The following ANKIB1 variants were observed in gnomAD, a reference collection of about 807,000 sequenced individuals.
ANKIB1 encodes the protein ankyrin repeat and IBR domain containing 1.
A neutral mutation model predicts 122.1 loss-of-function variants in ANKIB1; 43 were observed. That is an observed-to-expected ratio of 0.35 (90% CI 0.28 to 0.45). ANKIB1 has a LOEUF of 0.45. Among genes scored for constraint, ANKIB1 ranks in the 20% least tolerant of loss-of-function variants. The pLI is 1.00. For synonymous variants in ANKIB1, 390 were observed against 442.0 expected (o/e 0.88, Z 1.48); for missense variants, 992 against 1,329.5 (o/e 0.75, Z 3.95).
At chr7:92,267,219 A>G (rs1801689419) in intron 1 of ANKIB1, among the ~76,000 whole-genome samples, 1 of 152,218 alleles carries the variant, frequency 6.6e-6, no homozygotes, top group Non-Finnish European at 1.5e-5. Flanking sequence ...TATATTTTTT[A>G]GAATGTAAGA....
chr7:92,251,322 A>G (rs529273595), intron 1 of ANKIB1, among the ~76,000 whole-genome samples: 16 of 152,212 alleles, frequency 1.1e-4, no homozygotes, highest in Non-Finnish European at 2.1e-4. Context: ...CCAAATAGAC[A>G]TGAAAACATT....
intron 1 of ANKIB1, among the ~76,000 whole-genome samples, chr7:92,254,088 C>T (rs1440038925): frequency 6.6e-6 from 1 of 152,128 alleles, no homozygotes. Context: ...CCAAGATACC[C>T]CAGCTAACAG....
chr7:92,354,717 C>T (rs944959315), intron 9 of ANKIB1, among the ~76,000 whole-genome samples: 9 of 152,000 alleles, frequency 5.9e-5, no homozygotes, highest in Non-Finnish European at 1.0e-4. Flanking sequence ...TACCCTTATT[C>T]ATATAGTATA....
rs1804961462 is a variant in ANKIB1 at position 92,399,025 on chromosome 7, T to C, written c.*76T>C. On this transcript the variant is annotated 3_prime_UTR_variant, in exon 20 of 20. Coordinates refer to ENST00000265742, the MANE Select transcript of ANKIB1 (RefSeq NM_019004.2). ...GGTGGAGTATGCTTGATAGAGACTT[T>C]GATTCACTTAATTCCAACTCAGTGA... 1.4e-6 allele frequency: 2 copies of C among 1,428,630 alleles called. No individual in the cohort carries two copies. Among genetic ancestry groups the C allele is most frequent in the East Asian group, 2.5e-5 (1 of 40,502 alleles). 88.5% of individuals were successfully genotyped at this position (1,428,630 alleles called of 1,614,324 possible). A position where few individuals can be genotyped will look rare whatever the true frequency, so the allele number is the denominator to read the frequency against.
intron 4 of ANKIB1, among the ~76,000 whole-genome samples, chr7:92,321,802 T>C (rs1257776381): frequency 6.6e-6 from 1 of 152,216 alleles, no homozygotes; most frequent in Non-Finnish European, 1.5e-5. Context: ...AAATTTACTT[T>C]TTAAAAAATC....
rs139104059 is a variant in ANKIB1, at chr7:92,291,697, C to T, written c.-90-3192C>T. On this transcript the variant is annotated intron_variant, in intron 1 of 19. Transcript: ENST00000265742. ...GTTCAACCAATTCTCCTGCCGCAGCCGCCTGATTAGCTGGTATTACAGGCA... is the reference window on the plus strand; with the variant it reads ...GTTCAACCAATTCTCCTGCCGCAGCTGCCTGATTAGCTGGTATTACAGGCA... Among the ~76,000 whole-genome samples, 13 of 151,830 alleles carry T rather than the reference C, an allele frequency of 8.6e-5. No homozygotes were observed. In the South Asian group the frequency reaches 1.0e-3, roughly 12 times the overall value.
chr7:92,345,073 A>T lies in ANKIB1; in HGVS notation c.1085+7A>T, dbSNP rs1340997037. The T allele has an allele frequency of 2.5e-6, 4 of 1,597,656 alleles. No homozygotes were observed. Among genetic ancestry groups the T allele is most frequent in the Non-Finnish European group, 3.4e-6 (4 of 1,166,294 alleles). ...GTAGAGGATGTTGGGAGTCGTGAGT[A>T]TATGAGCACCTTAGCATCTCTTACT... is the stretch of plus-strand genomic sequence containing the variant. On this transcript the variant is annotated splice_region_variant and intron_variant, in intron 7 of 19. Transcript: ENST00000265742.
chr7:92,331,370 C>T (rs535809414), intron 5 of ANKIB1, among the ~76,000 whole-genome samples: 29 of 151,380 alleles, frequency 1.9e-4, no homozygotes, highest in African/African-American at 6.1e-4. Context: ...TGGGTTCAAG[C>T]GATTCTCTTG....
chr7:92,378,770 G>A (rs1349984375), intron 11 of ANKIB1, among the ~76,000 whole-genome samples: 4 of 152,112 alleles, frequency 2.6e-5, no homozygotes, highest in African/African-American at 4.8e-5. Flanking sequence ...TGCAGATGAC[G>A]TGATTGTATA....
At chr7:92,334,622 C>G (rs1327478876) in intron 5 of ANKIB1, among the ~76,000 whole-genome samples, 11 of 151,744 alleles carry the variant, frequency 7.2e-5, no homozygotes, top group Admixed American at 3.9e-4. Context: ...AAAAATGGCT[C>G]TCATGATTTT....
rs1270302345 is a variant in ANKIB1, at chr7:92,269,462, C to T, written c.-91+22943C>T. Reference sequence around the variant, plus strand: ...AGGAAAGTGTCTTTGTGTTACCTTGCGCTTTCATTCACATACTGATTACTC... The same window carrying T: ...AGGAAAGTGTCTTTGTGTTACCTTGTGCTTTCATTCACATACTGATTACTC... On this transcript the variant is annotated intron_variant, in intron 1 of 19. Transcript: ENST00000265742. Among the ~76,000 whole-genome samples the T allele has an allele frequency of 3.3e-5, 5 of 152,204 alleles. 1 individual carries two copies. Among genetic ancestry groups the T allele is most frequent in the East Asian group, 1.9e-4 (1 of 5,204 alleles).
chr7:92,344,892 T>G (rs1803508714), intron 6 of ANKIB1, 86 bp from the exon 7 acceptor site: 3 of 1,151,148 alleles, frequency 2.6e-6, no homozygotes, highest in Non-Finnish European at 3.8e-6. Flanking sequence ...TACTAGTATT[T>G]TTGCCTTTTA....
rs138929014 is a variant in ANKIB1 at position 92,326,230 on chromosome 7, A to G, written c.670-1553A>G. Among the ~76,000 whole-genome samples, 684 of 152,330 alleles carry G rather than the reference A, an allele frequency of 4.5e-3. 5 individuals are homozygous for G. The highest frequency in any genetic ancestry group is 0.025 in the South Asian group (121 of 4,824). On this transcript the variant is annotated intron_variant, in intron 4 of 19. Transcript: ENST00000265742. ...GCGTGCATTTTAAAAAACTGGATCT[A>G]TGCAGATTGTTTCATATTATCCCTT...
At chr7:92,294,329 T>C (rs2131918913) in intron 1 of ANKIB1, 1 of 152,366 alleles carries the variant, frequency 6.6e-6, no homozygotes, top group Admixed American at 6.5e-5. Context: ...GTTTTAGTAC[T>C]TTTCTGTGAT....
intron 2 of ANKIB1, among the ~76,000 whole-genome samples, chr7:92,306,484 A>G (rs984561694): frequency 6.6e-6 from 1 of 152,114 alleles, no homozygotes; most frequent in Non-Finnish European, 1.5e-5. Flanking sequence ...AGAAAGTATT[A>G]TACTATGTGC....
In ANKIB1 at chr7:92,374,993, T is replaced by C. The variant is rs1392129379; in HGVS notation, c.1617+3386T>C. ...CCAGACCACTGCAGTGAAGCAGATA[T>C]CACAGTCAAGTAAATCACAATTTTT... On this transcript the variant is annotated intron_variant, in intron 11 of 19. Transcript: ENST00000265742. 2.0e-5 allele frequency among the ~76,000 whole-genome samples: 3 copies of C among 150,288 alleles called. No homozygotes were observed. In the South Asian group the frequency reaches 6.2e-4, roughly 31 times the overall value.
intron 1 of ANKIB1, among the ~76,000 whole-genome samples, chr7:92,289,829 C>A (rs1802209899): frequency 6.6e-6 from 1 of 152,112 alleles, no homozygotes; most frequent in Admixed American, 6.6e-5. Flanking sequence ...TTTACCTTAT[C>A]CTTTGAAAGT....
At chr7:92,329,398 C>G in intron 5 of ANKIB1, among the ~76,000 whole-genome samples, 1 of 152,212 alleles carries the variant, frequency 6.6e-6, no homozygotes, top group South Asian at 2.1e-4. Context: ...GGAATAACCC[C>G]AGAGAATCTA....
At chr7:92,380,059 A>G (rs2115671129) in intron 11 of ANKIB1, among the ~76,000 whole-genome samples, 1 of 152,316 alleles carries the variant, frequency 6.6e-6, no homozygotes, top group East Asian at 1.9e-4. Context: ...GCTCTTTTCC[A>G]ACAGTCTTAG....
Sources: gnomAD v4.1 joint callset for allele counts (sites outside exome capture counted in the v4.1 genomes callset) on GRCh38, gnomAD v4.1.1 for gene constraint, MANE v1.5 for transcripts, NCBI Gene and HGNC (gene_info 2026-07-23, HGNC 2026-07-21) for gene names.